Variants in MYOF observed in about 807,000 individuals in gnomAD.
The protein encoded by MYOF is myoferlin.
Under a neutral mutation model 284.2 loss-of-function variants are expected in MYOF, and 244 were observed. The ratio of observed to expected loss-of-function variants is 0.86; its 90% CI spans 0.77 to 0.95. The LOEUF (loss-of-function observed/expected upper bound fraction) is 0.95. MYOF is among the 40% of genes least tolerant of loss of function. MYOF has a pLI of 0.00. For synonymous variants in MYOF, 904 were observed against 919.7 expected, an observed-to-expected ratio of 0.98 and a Z score of 0.31; for missense variants, 2,496 against 2,560.6, an observed-to-expected ratio of 0.97 and a Z score of 0.54.
intron 16 of MYOF, among the ~76,000 whole-genome samples, chr10:93,393,244 C>A (rs189394778): frequency 1.3e-5 from 2 of 152,188 alleles, no homozygotes; most frequent in African/African-American, 4.8e-5. Context: ...GGGGGCCTGG[C>A]GAAGTTACCA....
At chr10:93,474,259 T>G (rs1418349135) in intron 1 of MYOF, among the ~76,000 whole-genome samples, 1 of 152,228 alleles carries the variant, frequency 6.6e-6, no homozygotes, top group Non-Finnish European at 1.5e-5. Context: ...ACTAATCTGC[T>G]GTTCACATTG....
intron 32 of MYOF, among the ~76,000 whole-genome samples, chr10:93,352,967 C>T (rs1008858988): frequency 1.3e-5 from 2 of 152,102 alleles, no homozygotes; most frequent in Non-Finnish European, 2.9e-5. Flanking sequence ...GCTTGGAACA[C>T]GCTTCAAAAT....
intron 45 of MYOF, among the ~76,000 whole-genome samples, chr10:93,327,539 G>A (rs1843106360): frequency 1.3e-5 from 2 of 152,104 alleles, no homozygotes; most frequent in Admixed American, 6.5e-5. Context: ...TAAGTTTGGG[G>A]TGATCTGTTA....
Position 93,475,172 on chromosome 10 carries a change from A to G in MYOF, c.88+6935T>C, listed in dbSNP as rs534869037. 7.9e-5 allele frequency among the ~76,000 whole-genome samples: 12 copies of G among 152,264 alleles called. No individual in the cohort carries two copies. The South Asian group carries it at 2.3e-3, about 29-fold the overall frequency. On this transcript the variant is annotated intron_variant, in intron 1 of 53. Transcript: ENST00000359263. The stretch of plus-strand genomic sequence containing the variant: ...CTCATGCCCAGTAAGAAGTTAATTG[A>G]TAAGGCTTAAGGTATCAAATGTCCC...
At chr10:93,441,997 AACACACACACACAC>A (rs34488205) in intron 3 of MYOF, among the ~76,000 whole-genome samples, 14 of 133,054 alleles carry the variant, frequency 1.1e-4, no homozygotes, top group South Asian at 7.8e-4. Flanking sequence ...CCTCAACCTG[AACACACACACACAC>A]ACACACACAC....
chr10:93,405,828 C>G lies in MYOF; in HGVS notation c.730-1609G>C, dbSNP rs1436126578. ...TTTTTTTTTTTTTTTGACGGAGTCT[C>G]TCTCTGTTGCCCAGGCTGGAGTGCA... On this transcript the variant is annotated intron_variant, in intron 7 of 53. Coordinates refer to ENST00000359263, the MANE Select transcript of MYOF (RefSeq NM_013451.4). Among the ~76,000 whole-genome samples the G allele has an allele frequency of 3.6e-5, 5 of 139,944 alleles. 1 individual carries two copies. The Admixed American group carries it at 3.7e-4, about 10-fold the overall frequency. 91.8% of individuals were successfully genotyped at this position (139,944 alleles called of 152,430 possible).
intron 5 of MYOF, among the ~76,000 whole-genome samples, chr10:93,412,968 C>A (rs373290121): frequency 2.0e-5 from 3 of 152,066 alleles, no homozygotes; most frequent in Admixed American, 6.5e-5. Context: ...TGGGTTCCTC[C>A]AAGCAGCGAA....
intron 35 of MYOF, 85 bp downstream of exon 35, chr10:93,351,112 C>T (rs1844483691): frequency 2.1e-6 from 3 of 1,399,190 alleles, no homozygotes; most frequent in Non-Finnish European, 3.0e-6. Context: ...AAATATGCAG[C>T]AGGATTCTAT....
At chr10:93,475,216 G>C (rs17108780) in intron 1 of MYOF, among the ~76,000 whole-genome samples, 8,142 of 152,208 alleles carry the variant, frequency 0.053, 498 homozygotes, top group East Asian at 0.23. Context: ...TTCTGATTGA[G>C]AACTGTGCTC....
chr10:93,482,083 A>G (rs1380106012), intron 1 of MYOF, 24 bp downstream of exon 1: 1 of 1,603,346 alleles, frequency 6.2e-7, no homozygotes, highest in Non-Finnish European at 8.5e-7. Flanking sequence ...AGGACTTCAG[A>G]AAAAGAAGAA....
intron 45 of MYOF, among the ~76,000 whole-genome samples, chr10:93,327,480 C>A (rs1316684082): frequency 1.3e-5 from 2 of 152,092 alleles, no homozygotes; most frequent in African/African-American, 4.8e-5. Flanking sequence ...GTCCTGAATT[C>A]CTGACCCCGC....
chr10:93,392,086 T>G (rs1384213152), intron 17 of MYOF, among the ~76,000 whole-genome samples: 1 of 152,272 alleles, frequency 6.6e-6, no homozygotes, highest in Non-Finnish European at 1.5e-5. Context: ...CCAAGTCCAC[T>G]GCAAATCTAA....
intron 12 of MYOF, among the ~76,000 whole-genome samples, chr10:93,400,329 CTT>C (rs1163947322): frequency 1.0e-5 from 1 of 98,716 alleles, no homozygotes; most frequent in Non-Finnish European, 2.2e-5. Context: ...TCTTCTTCTT[CTT>C]TTTTTTTTTT....
intron 5 of MYOF, among the ~76,000 whole-genome samples, chr10:93,413,755 G>A (rs1442911811): frequency 2.0e-5 from 3 of 152,166 alleles, no homozygotes; most frequent in South Asian, 2.1e-4. Context: ...TTGGGAGGCC[G>A]AAGCAGGAGG....
At chr10:93,411,447 G>A (rs1847896860) in intron 5 of MYOF, among the ~76,000 whole-genome samples, 1 of 152,184 alleles carries the variant, frequency 6.6e-6, no homozygotes, top group African/African-American at 2.4e-5. Flanking sequence ...CTCCCTAAAG[G>A]CCTCACTGCC....
At chr10:93,332,607 AG>A (rs1243681503) in intron 43 of MYOF, among the ~76,000 whole-genome samples, 1 of 150,110 alleles carries the variant, frequency 6.7e-6, no homozygotes, top group African/African-American at 2.4e-5. Flanking sequence ...GCACTTTGGG[AG>A]GGCGAGGCGG....
chr10:93,316,575 G>C (rs112048302), intron 50 of MYOF, 139 bp downstream of exon 50: 8 of 718,440 alleles, frequency 1.1e-5, no homozygotes, highest in African/African-American at 3.5e-5. Flanking sequence ...CACAAGCACT[G>C]GGTGTATCCC....
chr10:93,419,934 C>T (rs570656372), intron 5 of MYOF, among the ~76,000 whole-genome samples: 24 of 152,166 alleles, frequency 1.6e-4, no homozygotes, highest in African/African-American at 5.1e-4. Flanking sequence ...GAGTTCAAGA[C>T]CAGCTTGGTC....
chr10:93,457,672 A>G (rs760699054), intron 1 of MYOF, among the ~76,000 whole-genome samples: 6 of 152,184 alleles, frequency 3.9e-5, no homozygotes, highest in East Asian at 1.9e-4. Context: ...CAAGTCCCCA[A>G]ATACCTACCC....
Sources: gnomAD v4.1 joint callset for allele counts (sites outside exome capture counted in the v4.1 genomes callset) on GRCh38, gnomAD v4.1.1 for gene constraint, MANE v1.5 for transcripts, NCBI Gene and HGNC (gene_info 2026-07-23, HGNC 2026-07-21) for gene names.